The following ZNF469 variants were observed in gnomAD, a reference collection of about 807,000 sequenced individuals.
The protein encoded by ZNF469 is zinc finger protein 469.
A neutral mutation model predicts 1.0 loss-of-function variants in ZNF469; 1 was observed. The observed-to-expected ratio is 1.00, with a 90% confidence interval of 0.35 to 4.73. The LOEUF is 4.73. Among genes scored for constraint, ZNF469 ranks in the 30% most tolerant of loss-of-function variants. The pLI is 0.16. For missense variants in ZNF469, 6,100 were observed against 5,356.3 expected (o/e 1.14, Z -4.33); for synonymous variants, 2,703 against 2,363.4 (o/e 1.14, Z -4.17).
chr16:88,231,371 G>T, the ZNF469 span, among the ~76,000 whole-genome samples: 1 of 152,236 alleles, frequency 6.6e-6, no homozygotes, highest in African/African-American at 2.4e-5. This position sits in a 1 kb window ranked among gnomAD's most constrained non-coding sequence, Gnocchi z 4.5. Flanking sequence ...AAGCCTGAAG[G>T]CTGGGGTGGG....
At chr16:88,420,251 C>T (rs1337243452) in intron 1 of ZNF469, among the ~76,000 whole-genome samples, 1 of 152,236 alleles carries the variant, frequency 6.6e-6, no homozygotes, top group Non-Finnish European at 1.5e-5. Flanking sequence ...TGGGAAGGCA[C>T]GGGCCAGCCC....
At chr16:88,187,288 C>T in the ZNF469 span, among the ~76,000 whole-genome samples, 3 of 152,252 alleles carry the variant, frequency 2.0e-5, no homozygotes, top group Admixed American at 6.5e-5. Flanking sequence ...CCCGCAGAAC[C>T]TAGCACGTGT....
At chr16:88,329,902 C>T in the ZNF469 span, among the ~76,000 whole-genome samples, 2 of 152,178 alleles carry the variant, frequency 1.3e-5, no homozygotes, top group African/African-American at 4.8e-5. Flanking sequence ...GACGGACAAG[C>T]ACCACGGGCG....
chr16:88,127,420 C>T, the ZNF469 span, among the ~76,000 whole-genome samples: 28,215 of 152,162 alleles, frequency 0.19, 3,031 homozygotes, highest in East Asian at 0.45. Flanking sequence ...ATTTTTATGG[C>T]GACTTTCTAT....
At chr16:88,116,745 C>T in the ZNF469 span, among the ~76,000 whole-genome samples, 18 of 152,230 alleles carry the variant, frequency 1.2e-4, no homozygotes, top group African/African-American at 2.9e-4. Context: ...CATGCCATGA[C>T]GCTGTTTATG....
the ZNF469 span, among the ~76,000 whole-genome samples, chr16:88,104,744 C>G: frequency 2.0e-5 from 3 of 152,254 alleles, no homozygotes; most frequent in Non-Finnish European, 4.4e-5. Flanking sequence ...ACGCTCCTAT[C>G]CTTCTGTGAT....
the ZNF469 span, among the ~76,000 whole-genome samples, chr16:88,235,573 A>C: frequency 6.6e-6 from 1 of 152,202 alleles, no homozygotes; most frequent in Non-Finnish European, 1.5e-5. Context: ...GCGGGACGGG[A>C]ACCAGAACCC....
At chr16:88,380,395 G>A (rs1473595195), upstream of ZNF469, among the ~76,000 whole-genome samples, 145 of 67,950 alleles carry the variant, frequency 2.1e-3, 11 homozygotes, top group African/African-American at 0.017. Flanking sequence ...TCACAGACAC[G>A]CCCTCACACA....
chr16:88,144,119 C>T, the ZNF469 span, among the ~76,000 whole-genome samples: 9 of 152,122 alleles, frequency 5.9e-5, no homozygotes, highest in African/African-American at 1.9e-4. Flanking sequence ...GAGGTACGCC[C>T]GGGGCCGTCC....
the ZNF469 span, among the ~76,000 whole-genome samples, chr16:88,218,412 A>G: frequency 6.6e-6 from 1 of 150,440 alleles, no homozygotes. Flanking sequence ...CTCTGATGGT[A>G]GTTTCTTTTG....
At chr16:88,119,105 A>G in the ZNF469 span, among the ~76,000 whole-genome samples, 2 of 152,244 alleles carry the variant, frequency 1.3e-5, no homozygotes. Flanking sequence ...TTGTTTTGCC[A>G]TCTGTGGAAT....
At chr16:88,327,962 C>T in the ZNF469 span, among the ~76,000 whole-genome samples, 50 of 152,368 alleles carry the variant, frequency 3.3e-4, no homozygotes, top group African/African-American at 1.2e-3. Context: ...CGGCTGCACA[C>T]CCACCTGCTG....
At chr16:88,194,116 C>A in the ZNF469 span, among the ~76,000 whole-genome samples, 9 of 152,188 alleles carry the variant, frequency 5.9e-5, no homozygotes, top group South Asian at 6.2e-4. Flanking sequence ...GTTTATTCCC[C>A]CCTCCGCCAC....
intron 1 of ZNF469, among the ~76,000 whole-genome samples, chr16:88,395,627 G>A (rs1904637800): frequency 6.6e-6 from 1 of 152,042 alleles, no homozygotes; most frequent in African/African-American, 2.4e-5. Flanking sequence ...AAGCCCTGTG[G>A]GTAGATAACA....
intron 1 of ZNF469, among the ~76,000 whole-genome samples, chr16:88,394,040 A>C (rs954065871): frequency 5.4e-5 from 8 of 146,972 alleles, no homozygotes; most frequent in Admixed American, 1.3e-4. Flanking sequence ...GTCCAAGAGG[A>C]GCAGGGTTTG....
At position 88,435,308 on chromosome 16, in the gene ZNF469, G is replaced by C. The variant is rs370285147; in HGVS notation, c.7838G>C (p.Arg2613Pro). The C allele has an allele frequency of 8.5e-5, 132 of 1,550,234 alleles. No homozygotes were observed. Among genetic ancestry groups the C allele is most frequent in the Non-Finnish European group, 1.0e-4 (120 of 1,146,998 alleles). Reference protein sequence around the residue: ...HPKQAEKREGRRWRREPTVDS... With the variant: ...HPKQAEKREGPRWRREPTVDS... ...AAACAGGCAGAAAAAAGAGAAGGCC[G>C]GAGGTGGCGCCGAGAGCCCACCGTG... Residue 2613 changes from arginine to proline, a missense_variant, in exon 3 of 3, where the codon CGG becomes CCG. By Grantham distance (103) the Arg-to-Pro change is moderately radical. Coordinates refer to ENST00000565624, the MANE Select transcript of ZNF469 (RefSeq NM_001367624.2).
chr16:88,432,217 G>C lies in ZNF469; in HGVS notation c.4747G>C (p.Gly1583Arg). The C allele has an allele frequency of 1.3e-6, 2 of 1,549,890 alleles. No individual in the cohort carries two copies. The highest frequency in any genetic ancestry group is 1.7e-6 in the Non-Finnish European group (2 of 1,146,980). ...GCTGCAAAGGAGCAAAGACACACGTGGGGCCCCGAGAGAGCTTGCAGAAGC... is the reference window on the plus strand; with the variant it reads ...GCTGCAAAGGAGCAAAGACACACGTCGGGCCCCGAGAGAGCTTGCAGAAGC... ...SQLQRSKDTR[G>R]APRELAEAES... The change falls in exon 3 of 3, where the codon GGG (glycine) becomes CGG (arginine). Residue 1583 changes from glycine (G) to arginine (R), a missense_variant. Physicochemically the swap from Gly to Arg is moderately radical, Grantham distance 125. Coordinates refer to ENST00000565624, the MANE Select transcript of ZNF469 (RefSeq NM_001367624.2).
the ZNF469 span, among the ~76,000 whole-genome samples, chr16:88,103,934 C>T: frequency 4.6e-5 from 7 of 152,194 alleles, no homozygotes; most frequent in Admixed American, 2.0e-4. Context: ...AATAATCCTC[C>T]GTGGCACGAG....
chr16:88,386,111 C>T (rs549556072), intron 1 of ZNF469, among the ~76,000 whole-genome samples: 222 of 152,264 alleles, frequency 1.5e-3, no homozygotes, highest in African/African-American at 4.9e-3. Context: ...CTTCCCAGCG[C>T]CCTCCCCATC....
Sources: gnomAD v4.1 joint callset for allele counts (sites outside exome capture counted in the v4.1 genomes callset) on GRCh38, gnomAD v4.1.1 for gene constraint, Gnocchi (gnomAD v3.1) non-coding constraint, MANE v1.5 for transcripts, NCBI Gene and HGNC (gene_info 2026-07-23, HGNC 2026-07-21) for gene names.